CXCL13: variants seen among roughly 807,000 people sequenced by gnomAD.
CXCL13 encodes the protein C-X-C motif chemokine ligand 13.
In CXCL13, 7 loss-of-function variants were observed where a neutral mutation model predicts 12.2. The ratio of observed to expected loss-of-function variants is 0.57; its 90% CI spans 0.33 to 1.07. The LOEUF (loss-of-function observed/expected upper bound fraction) is 1.07, where lower values mean the gene tolerates loss of function less well. Among genes scored for constraint, CXCL13 ranks in the 50% least tolerant of loss-of-function variants. The pLI is 0.04. For missense variants in CXCL13, 113 were observed against 127.4 expected, an observed-to-expected ratio of 0.89 and a Z score of 0.55; for synonymous variants, 47 against 42.4, an observed-to-expected ratio of 1.11 and a Z score of -0.42.
At chr4:77,521,252 C>T (rs1257325666) in intron 1 of CXCL13, among the ~76,000 whole-genome samples, 1 of 152,090 alleles carries the variant, frequency 6.6e-6, no homozygotes, top group Admixed American at 6.6e-5. Flanking sequence ...GGGAGGACTC[C>T]CTCTTTTTCT....
At chr4:77,517,936 C>T (rs558543811) in intron 1 of CXCL13, among the ~76,000 whole-genome samples, 20 of 152,238 alleles carry the variant, frequency 1.3e-4, no homozygotes, top group African/African-American at 2.6e-4. Flanking sequence ...GATTTTGCAG[C>T]GGCTGGTACC....
At chr4:77,563,699 T>G (rs1725865361) in intron 1 of CXCL13, among the ~76,000 whole-genome samples, 2 of 152,214 alleles carry the variant, frequency 1.3e-5, no homozygotes, top group African/African-American at 4.8e-5. Context: ...TCTATGACGT[T>G]TATTAAAATG....
chr4:77,523,885 T>G (rs957407339), intron 1 of CXCL13, among the ~76,000 whole-genome samples: 1 of 152,194 alleles, frequency 6.6e-6, no homozygotes, highest in African/African-American at 2.4e-5. Flanking sequence ...GACCTACAGA[T>G]GGGGTTTTGG....
intron 1 of CXCL13, among the ~76,000 whole-genome samples, chr4:77,574,122 T>C (rs1432581942): frequency 1.3e-5 from 2 of 151,994 alleles, no homozygotes; most frequent in Admixed American, 6.5e-5. Flanking sequence ...AAAGTCATCT[T>C]AAAAATGGAT....
intron 1 of CXCL13, among the ~76,000 whole-genome samples, chr4:77,513,397 A>T (rs1354641183): frequency 6.6e-6 from 1 of 152,002 alleles, no homozygotes; most frequent in Non-Finnish European, 1.5e-5. Flanking sequence ...CACTCCCACC[A>T]ACAGTGTAAA....
At chr4:77,590,839 T>A (rs904533118) in intron 1 of CXCL13, among the ~76,000 whole-genome samples, 3 of 152,216 alleles carry the variant, frequency 2.0e-5, no homozygotes, top group Non-Finnish European at 4.4e-5. Context: ...TTTTATGCCA[T>A]GCAAAGTTTA....
intron 1 of CXCL13, among the ~76,000 whole-genome samples, chr4:77,582,846 G>A (rs1203506205): frequency 6.6e-6 from 1 of 152,220 alleles, no homozygotes; most frequent in African/African-American, 2.4e-5. Flanking sequence ...GTTGTTACCA[G>A]ATTCCAACAT....
chr4:77,576,138 C>T (rs967611547), intron 1 of CXCL13, among the ~76,000 whole-genome samples: 11 of 151,592 alleles, frequency 7.3e-5, no homozygotes, highest in African/African-American at 1.7e-4. Flanking sequence ...GAGATTATGA[C>T]GTTGGAATAA....
At chr4:77,602,020 T>C (rs2109835687), upstream of CXCL13, among the ~76,000 whole-genome samples, 1 of 152,356 alleles carries the variant, frequency 6.6e-6, no homozygotes, top group Non-Finnish European at 1.5e-5. Context: ...ACAGTAAGTT[T>C]CTGTTTTCTA....
chr4:77,543,855 G>A (rs188721682), intron 1 of CXCL13, among the ~76,000 whole-genome samples: 23 of 151,850 alleles, frequency 1.5e-4, no homozygotes, highest in African/African-American at 4.6e-4. Context: ...CCACTAACTC[G>A]TCATTTACAT....
At chr4:77,559,201 T>C (rs1725737845) in intron 1 of CXCL13, among the ~76,000 whole-genome samples, 1 of 152,150 alleles carries the variant, frequency 6.6e-6, no homozygotes, top group Non-Finnish European at 1.5e-5. Flanking sequence ...GACTATCATA[T>C]AGAAGGTTTA....
chr4:77,554,469 C>A (rs1444929996), intron 1 of CXCL13, among the ~76,000 whole-genome samples: 2 of 151,956 alleles, frequency 1.3e-5, no homozygotes, highest in Non-Finnish European at 2.9e-5. Context: ...CAAAAGCTGA[C>A]AAAAGAGAAA....
intron 1 of CXCL13, among the ~76,000 whole-genome samples, chr4:77,578,088 C>A (rs983135965): frequency 4.6e-5 from 7 of 152,132 alleles, no homozygotes; most frequent in African/African-American, 1.7e-4. Flanking sequence ...GACATCCTGG[C>A]AAAAGGGTAA....
chr4:77,597,597 C>G (rs924499), intron 1 of CXCL13, among the ~76,000 whole-genome samples: 20,141 of 152,100 alleles, frequency 0.13, 1,694 homozygotes, highest in Non-Finnish European at 0.19. Flanking sequence ...TTCCCAGACC[C>G]CAATTCCTTA....
chr4:77,596,162 G>A (rs1037615536), intron 1 of CXCL13, among the ~76,000 whole-genome samples: 3 of 152,192 alleles, frequency 2.0e-5, no homozygotes, highest in Admixed American at 6.5e-5. Flanking sequence ...CCGGAAGGGA[G>A]CTAAGATCTA....
chr4:77,513,628 C>G (rs1578029601), intron 1 of CXCL13, among the ~76,000 whole-genome samples: 1 of 151,718 alleles, frequency 6.6e-6, no homozygotes, highest in Admixed American at 6.6e-5. Flanking sequence ...ATTTTATTGT[C>G]TTTTTAGTAG....
chr4:77,557,978 G>T (rs747427234), intron 1 of CXCL13, among the ~76,000 whole-genome samples: 6 of 152,178 alleles, frequency 3.9e-5, no homozygotes, highest in Non-Finnish European at 7.4e-5. Flanking sequence ...AGCCATCTTA[G>T]GGGTGTGTTT....
At chr4:77,540,254 T>G (rs1021001558) in intron 1 of CXCL13, among the ~76,000 whole-genome samples, 4 of 152,180 alleles carry the variant, frequency 2.6e-5, no homozygotes, top group Admixed American at 2.6e-4. Context: ...TAAATACATT[T>G]TTTAATAATT....
At chr4:77,550,564 T>C (rs371959667) in intron 1 of CXCL13, among the ~76,000 whole-genome samples, 114 of 152,338 alleles carry the variant, frequency 7.5e-4, no homozygotes, top group African/African-American at 1.7e-3. Flanking sequence ...TAAGAATATG[T>C]TCTATTTGCA....
Sources: gnomAD v4.1 joint callset for allele counts (sites outside exome capture counted in the v4.1 genomes callset) on GRCh38, gnomAD v4.1.1 for gene constraint, MANE v1.5 for transcripts, NCBI Gene and HGNC (gene_info 2026-07-23, HGNC 2026-07-21) for gene names.